The following EIF2B3 variants were observed in gnomAD, a reference collection of about 807,000 sequenced individuals.
EIF2B3 encodes eukaryotic translation initiation factor 2B subunit gamma.
A neutral mutation model predicts 54.1 loss-of-function variants in EIF2B3; 20 were observed. That is an observed-to-expected ratio of 0.37 (90% CI 0.26 to 0.54). The LOEUF is 0.54. EIF2B3 is among the 20% of genes least tolerant of loss of function. The pLI, the probability that EIF2B3 is intolerant of heterozygous loss-of-function variation, is 0.86. For synonymous variants in EIF2B3, 153 were observed against 188.1 expected, an observed-to-expected ratio of 0.81 and a Z score of 1.52; for missense variants, 448 against 547.8, an observed-to-expected ratio of 0.82 and a Z score of 1.82.
At chr1:44,928,778 C>A (rs1467017749) in intron 4 of EIF2B3, among the ~76,000 whole-genome samples, 1 of 152,166 alleles carries the variant, frequency 6.6e-6, no homozygotes, top group East Asian at 1.9e-4. Context: ...TGATTCTTTT[C>A]TATCTCCCAT....
chr1:44,902,504 T>TA (rs979777585), intron 5 of EIF2B3, among the ~76,000 whole-genome samples: 5 of 149,778 alleles, frequency 3.3e-5, no homozygotes, highest in Admixed American at 6.7e-5. Flanking sequence ...TCATAATAAT[T>TA]AAAAAAAAGA....
chr1:44,871,521 G>T (rs964695196), intron 10 of EIF2B3, among the ~76,000 whole-genome samples: 1 of 152,170 alleles, frequency 6.6e-6, no homozygotes, highest in African/African-American at 2.4e-5. Context: ...CTTGTCTCTT[G>T]TATCCATCCC....
intron 10 of EIF2B3, among the ~76,000 whole-genome samples, chr1:44,865,523 C>T (rs186585066): frequency 1.3e-3 from 196 of 150,890 alleles, no homozygotes; most frequent in Admixed American, 3.4e-3. Context: ...ATTTGGTGAG[C>T]TTTAAGGAAT....
intron 5 of EIF2B3, among the ~76,000 whole-genome samples, chr1:44,918,409 G>A (rs78977177): frequency 6.9e-6 from 1 of 145,622 alleles, no homozygotes; most frequent in African/African-American, 2.6e-5. Flanking sequence ...TTTTTTTTAA[G>A]ACGGAGTTTC....
In EIF2B3 at chr1:44,938,575, G is replaced by A. The variant is rs542109598; in HGVS notation, c.454+2931C>T. Among the ~76,000 whole-genome samples the A allele has an allele frequency of 5.4e-4, 82 of 151,786 alleles. 1 individual carries two copies. Among genetic ancestry groups the A allele is most frequent in the African/African-American group, 1.7e-3 (72 of 41,396 alleles). On this transcript the variant is annotated intron_variant, in intron 4 of 11. Transcript: ENST00000360403. ...TGGTTCACTGTAGCCTCGACATCCC[G>A]GGCTCAAGTGATCCTCTCACCTCAG...
intron 3 of EIF2B3, among the ~76,000 whole-genome samples, chr1:44,967,143 A>G (rs1374579727): frequency 6.6e-6 from 1 of 151,586 alleles, no homozygotes; most frequent in Non-Finnish European, 1.5e-5. Context: ...AAAATAAGCT[A>G]AAGTAAGAAA....
rs539079693 is a variant in EIF2B3 at position 44,882,932 on chromosome 1, T to C, written c.657-1193A>G. On this transcript the variant is annotated intron_variant, in intron 6 of 11. Transcript: ENST00000360403. ...GCCTGACTTTTTTTTCTTTTTCTTTTTTTTTTTTTTTTTTTGAGATGGAGT... is the reference window on the plus strand; with the variant it reads ...GCCTGACTTTTTTTTCTTTTTCTTTCTTTTTTTTTTTTTTTGAGATGGAGT... Among the ~76,000 whole-genome samples, 203 of 142,682 alleles carry C rather than the reference T, an allele frequency of 1.4e-3. 2 individuals carry two copies. Among genetic ancestry groups the C allele is most frequent in the Middle Eastern group, 0.01 (3 of 290 alleles). 93.6% of individuals were successfully genotyped at this position (142,682 alleles called of 152,430 possible).
At chr1:44,944,005 A>G (rs766649990) in intron 3 of EIF2B3, among the ~76,000 whole-genome samples, 23 of 151,990 alleles carry the variant, frequency 1.5e-4, no homozygotes, top group Non-Finnish European at 3.4e-4. Context: ...TTAGCCGGGC[A>G]TGGTGGCACA....
At chr1:44,938,921 G>A (rs890742803) in intron 4 of EIF2B3, among the ~76,000 whole-genome samples, 2 of 151,834 alleles carry the variant, frequency 1.3e-5, no homozygotes, top group African/African-American at 2.4e-5. Context: ...GCAACATTGT[G>A]AAACCCTGTG....
intron 3 of EIF2B3, among the ~76,000 whole-genome samples, chr1:44,945,264 A>C (rs1644086790): frequency 2.0e-5 from 3 of 152,006 alleles, no homozygotes; most frequent in Admixed American, 2.0e-4. Flanking sequence ...TAAAAAAAAA[A>C]AAAGTTCCCA....
At chr1:44,874,564 T>TTAA in intron 10 of EIF2B3, 114 bp downstream of exon 10, 1 of 1,164,862 alleles carries the variant, frequency 8.6e-7, no homozygotes, top group Non-Finnish European at 1.2e-6. Context: ...TATTGCCCTC[T>TTAA]TGATTAGCAC....
chr1:44,890,281 T>C (rs1464825270), intron 6 of EIF2B3, among the ~76,000 whole-genome samples: 1 of 152,218 alleles, frequency 6.6e-6, no homozygotes, highest in African/African-American at 2.4e-5. Context: ...TGAAGGGCTC[T>C]ACCGTGAGGC....
Position 44,985,912 on chromosome 1 carries a change from G to A in EIF2B3, c.-10+581C>T, listed in dbSNP as rs1644569445. Among the ~76,000 whole-genome samples the A allele has an allele frequency of 2.0e-5, 3 of 152,286 alleles. No homozygotes were observed. The South Asian group carries it at 6.2e-4, about 32-fold the overall frequency. ...AAGAAAACTGTATCAGAATTGGTCT[G>A]TCATTCCACGTGTGCTGCCTGAAGG... On this transcript the variant is annotated intron_variant, in intron 1 of 11. Coordinates refer to ENST00000360403, the MANE Select transcript of EIF2B3 (RefSeq NM_020365.5).
intron 3 of EIF2B3, among the ~76,000 whole-genome samples, chr1:44,974,378 T>G (rs1488407724): frequency 6.7e-6 from 1 of 148,904 alleles, no homozygotes; most frequent in East Asian, 2.0e-4. Flanking sequence ...GAGGCTTAGG[T>G]AGGAGGATCA....
chr1:44,957,135 G>C (rs1222465343), intron 3 of EIF2B3, among the ~76,000 whole-genome samples: 1 of 152,158 alleles, frequency 6.6e-6, no homozygotes, highest in Non-Finnish European at 1.5e-5. Flanking sequence ...GTATGGTGAC[G>C]TGTGCCTGTA....
chr1:44,901,582 A>C (rs1643307133), intron 5 of EIF2B3, among the ~76,000 whole-genome samples: 1 of 119,306 alleles, frequency 8.4e-6, no homozygotes, highest in Non-Finnish European at 1.7e-5. Flanking sequence ...TTCTTGAGAC[A>C]GGGTCTTACT....
intron 1 of EIF2B3, among the ~76,000 whole-genome samples, chr1:44,984,953 C>T (rs1181340384): frequency 1.3e-5 from 2 of 150,016 alleles, no homozygotes; most frequent in Non-Finnish European, 3.0e-5. Context: ...ACTACAGGCA[C>T]CCGCCACCGC....
chr1:44,883,490 G>A (rs574939808), intron 6 of EIF2B3, among the ~76,000 whole-genome samples: 1 of 152,082 alleles, frequency 6.6e-6, no homozygotes, highest in Admixed American at 6.6e-5. Context: ...CTGATGACTG[G>A]ATGACTCCAC....
intron 10 of EIF2B3, 25 bp downstream of exon 10, chr1:44,874,653 C>G: frequency 6.2e-7 from 1 of 1,611,622 alleles, no homozygotes; most frequent in Non-Finnish European, 8.5e-7. Flanking sequence ...ATCTTTGCCT[C>G]AAGTGGGTAC....
Sources: allele counts gnomAD v4.1 joint callset (sites outside exome capture counted in the v4.1 genomes callset), GRCh38; gene constraint gnomAD v4.1.1; transcripts MANE v1.5; gene names NCBI Gene and HGNC (gene_info 2026-07-23, HGNC 2026-07-21).